The following EPS8L1 variants were observed in gnomAD, a reference collection of about 807,000 sequenced individuals.
EPS8L1 encodes the protein EPS8 signaling adaptor L1.
A neutral mutation model predicts 91.7 loss-of-function variants in EPS8L1; 101 were observed. The observed-to-expected ratio is 1.10, with a 90% CI of 0.94 to 1.30. The LOEUF (loss-of-function observed/expected upper bound fraction) is 1.30. Among genes scored for constraint, EPS8L1 ranks in the 50% most tolerant of loss-of-function variants. The probability of loss-of-function intolerance (pLI) is 0.00; values close to 1 mark genes in which losing one functional copy is unlikely to be tolerated. For synonymous variants in EPS8L1, 506 were observed against 445.3 expected (o/e 1.14, Z -1.72); for missense variants, 1,114 against 1,017.0 (o/e 1.10, Z -1.30).
In EPS8L1 at chr19:55,087,399, G is replaced by T. The variant is rs1189346597; in HGVS notation, c.2049G>T (p.Val683=). The T allele has an allele frequency of 6.2e-7, 1 of 1,614,042 alleles. No homozygotes were observed. Among genetic ancestry groups the T allele is most frequent in the Non-Finnish European group, 8.5e-7 (1 of 1,180,000 alleles). The stretch of plus-strand genomic sequence containing the variant: ...TGAGCCCCGAGGAGGGGGCACGTGT[G>T]TACAGCCAGGTCACCGTGCAGCGCT... ...RAVSPEEGAR[V]YSQVTVQRSL... Residue 683 remains valine, a synonymous_variant, in exon 19 of 20, where the codon GTG becomes GTT. Coordinates refer to ENST00000201647, the MANE Select transcript of EPS8L1 (RefSeq NM_133180.3).
At chr19:55,080,746 G>C (rs1178603866) in intron 6 of EPS8L1, 26 bp from the exon 7 acceptor site, 3 of 1,607,804 alleles carry the variant, frequency 1.9e-6, no homozygotes, top group Non-Finnish European at 2.5e-6. Flanking sequence ...GCGTGGGGAG[G>C]CGTGGCCTGA....
chr19:55,087,500 A>G, intron 19 of EPS8L1, 28 bp from the exon 20 acceptor site: 1 of 1,614,164 alleles, frequency 6.2e-7, no homozygotes, highest in South Asian at 1.1e-5. Context: ...GGACGCCAGG[A>G]CAAAGCGATT....
At chr19:55,079,962 C>A in intron 5 of EPS8L1, 111 bp downstream of exon 5, 1 of 1,451,952 alleles carries the variant, frequency 6.9e-7, no homozygotes. Flanking sequence ...GGCGAGGGAC[C>A]CCAGCCCCCT....
rs1373939119 is a variant in EPS8L1, at chr19:55,076,067, C to T, written c.-38+148C>T. The T allele has an allele frequency of 1.6e-3, 368 of 224,688 alleles. 5 individuals carry two copies. In the East Asian group the frequency reaches 0.017, roughly 11 times the overall value. 13.9% of individuals were successfully genotyped at this position (224,688 alleles called of 1,614,324 possible). On this transcript the variant is annotated intron_variant, in intron 1 of 19. Transcript: ENST00000201647. ...GGTCTGAGGGAGGAGGGCCTGGGGT[C>T]CTGGACTCCTAGGTCTGAGGGAGGA...
At chr19:55,079,371 G>A (rs1043534985) in intron 4 of EPS8L1, among the ~76,000 whole-genome samples, 35 of 152,176 alleles carry the variant, frequency 2.3e-4, no homozygotes, top group Non-Finnish European at 4.4e-5. Context: ...AGAGGCGCCT[G>A]GTGCTCTAAT....
Position 55,085,929 on chromosome 19 carries a change from C to A in EPS8L1, c.1474C>A (p.Arg492Ser), listed in dbSNP as rs565451159. The A allele has an allele frequency of 6.2e-7, 1 of 1,613,660 alleles. No individual in the cohort carries two copies. Among genetic ancestry groups the A allele is most frequent in the South Asian group, 1.1e-5 (1 of 91,066 alleles). Residue 492 changes from arginine (R) to serine (S), a missense_variant, in exon 15 of 20, where the codon CGC becomes AGC. Transcript: ENST00000201647. ...WVLCNYDFQA[R>S]NSSELSVKQR... Reference sequence around the variant, plus strand: ...CCTGTGTAATTATGACTTCCAGGCCCGCAACAGCAGTGAGCTGTCGGTCAA... The same window carrying A: ...CCTGTGTAATTATGACTTCCAGGCCAGCAACAGCAGTGAGCTGTCGGTCAA...
intron 18 of EPS8L1, 77 bp from the exon 19 acceptor site, chr19:55,087,226 C>A: frequency 6.6e-7 from 1 of 1,518,662 alleles, no homozygotes; most frequent in Non-Finnish European, 8.8e-7. Flanking sequence ...GGACCATCGC[C>A]GGGTGGGCGT....
In EPS8L1 at chr19:55,087,817, C is replaced by T. The variant is rs1041379238; in HGVS notation, c.*203C>T. On this transcript the variant is annotated 3_prime_UTR_variant, in exon 20 of 20. Transcript: ENST00000201647. ...CTGGACTGGCTGGGAGTGGGGAGGG[C>T]GTGGAGACAGTCTACGGAAAGCGCT... The T allele has an allele frequency of 3.3e-6, 2 of 612,748 alleles. No individual in the cohort carries two copies. Among genetic ancestry groups the T allele is most frequent in the South Asian group, 1.9e-5 (1 of 52,874 alleles). 38.0% of individuals were successfully genotyped at this position (612,748 alleles called of 1,614,324 possible). A position where few individuals can be genotyped will look rare whatever the true frequency, so the allele number is the denominator to read the frequency against.
intron 14 of EPS8L1, 60 bp from the exon 15 acceptor site, chr19:55,085,781 G>A: frequency 6.4e-7 from 1 of 1,571,396 alleles, no homozygotes; most frequent in Non-Finnish European, 8.6e-7. Context: ...CCAGCACCCT[G>A]CAGCCCAGAG....
rs1459678215 is a variant in EPS8L1, at chr19:55,079,000, G to GC, written c.61dup (p.Gln21ProfsTer12). On this transcript the variant is annotated frameshift_variant and splice_region_variant, in exon 4 of 20. Transcript: ENST00000201647. LOFTEE classifies it high-confidence loss of function. ...CTCATTCTCTTTCTCCCCTGGCAGA[G>GC]CAGAGGAAGCGTTACTCCACAGTTG... is the stretch of plus-strand genomic sequence containing the variant. The GC allele has an allele frequency of 1.9e-6, 3 of 1,613,980 alleles. No individual in the cohort carries two copies.
rs2076357046 is a variant in EPS8L1, at chr19:55,086,774, G to C, written c.1838G>C (p.Arg613Pro). 6.2e-7 allele frequency: 1 copy of C among 1,609,508 alleles called. No homozygotes were observed. Among genetic ancestry groups the C allele is most frequent in the East Asian group, 2.2e-5 (1 of 44,750 alleles). ...CTGCAGGCGCGCCTGGCCCAGGGCC[G>C]CTCGGGACCGAGCCGCGCAGTCCCA... ...EELQARLAQG[R>P]SGPSRAVPGP... The change falls in exon 18 of 20, where the codon CGC becomes CCC. Residue 613 changes from arginine (R) to proline (P), a missense_variant. Arg to Pro is a moderately radical substitution (Grantham distance 103). Coordinates refer to ENST00000201647, the MANE Select transcript of EPS8L1 (RefSeq NM_133180.3).
At position 55,082,522 on chromosome 19, in the gene EPS8L1, C is replaced by A; in HGVS notation, c.1134C>A (p.Ala378=). Residue 378 remains alanine, a synonymous_variant, in exon 12 of 20, where the codon GCC becomes GCA. Transcript: ENST00000201647. ...GGCGGCCGCATCTGACATCGGATGC[C>A]GTGGCGCTGCTGCGGGACAACGTCA... ...SVRRPHLTSD[A]VALLRDNVTP... 3 of 1,611,850 alleles carry A rather than the reference C, an allele frequency of 1.9e-6. No homozygotes were observed. Among genetic ancestry groups the A allele is most frequent in the East Asian group, 2.2e-5 (1 of 44,832 alleles).
At chr19:55,078,037 A>G in intron 2 of EPS8L1, 51 bp from the exon 3 acceptor site, 1 of 1,588,892 alleles carries the variant, frequency 6.3e-7, no homozygotes, top group Non-Finnish European at 8.6e-7. Context: ...GCATTTCCAC[A>G]GGATCTGCCC....
chr19:55,079,919 T>C (rs2076218294), intron 5 of EPS8L1, 68 bp downstream of exon 5: 7 of 1,513,972 alleles, frequency 4.6e-6, no homozygotes, highest in Non-Finnish European at 6.2e-6. Context: ...GGTGTGAATC[T>C]TGGCTCCTGC....
rs928947401 is a variant in EPS8L1, at chr19:55,080,734, C to T, written c.430-38C>T. The T allele has an allele frequency of 1.8e-5, 28 of 1,599,096 alleles. No homozygotes were observed. In the Admixed American group the frequency reaches 2.9e-4, roughly 17 times the overall value. On this transcript the variant is annotated intron_variant, in intron 6 of 19. Coordinates refer to ENST00000201647, the MANE Select transcript of EPS8L1 (RefSeq NM_133180.3). The stretch of plus-strand genomic sequence containing the variant: ...GCGAGGCCCGGGTAGGAAGTGGGTG[C>T]GGCGTGGGGAGGCGTGGCCTGACGG...
chr19:55,076,695 G>A (rs1250401811), intron 2 of EPS8L1, among the ~76,000 whole-genome samples: 1 of 152,214 alleles, frequency 6.6e-6, no homozygotes, highest in Non-Finnish European at 1.5e-5. Context: ...CACACTCAGT[G>A]CTGATGTAAC....
In EPS8L1 at chr19:55,082,119, C is replaced by T. The variant is rs1568788394; in HGVS notation, c.929C>T (p.Pro310Leu). 1.2e-6 allele frequency: 2 copies of T among 1,601,612 alleles called. No homozygotes were observed. The highest frequency in any genetic ancestry group is 1.7e-6 in the Non-Finnish European group (2 of 1,174,802). ...GGCTTGCTGACGCTGCGGGCCAAGC[C>T]GCCCTCGGAGGCCGAGTACACCGAC... is the stretch of plus-strand genomic sequence containing the variant. ...GEGLLTLRAK[P>L]PSEAEYTDVL... The change falls in exon 10 of 20, where the codon CCG (proline) becomes CTG (leucine). Residue 310 changes from proline to leucine, a missense_variant. By Grantham distance (98) the Pro-to-Leu change is moderately conservative. Coordinates refer to ENST00000201647, the MANE Select transcript of EPS8L1 (RefSeq NM_133180.3).
chr19:55,082,026 C>T, intron 9 of EPS8L1, 66 bp from the exon 10 acceptor site: 2 of 1,550,900 alleles, frequency 1.3e-6, no homozygotes, highest in South Asian at 2.4e-5. Flanking sequence ...ACCGGGTGTC[C>T]ACCTCTCTCT....
intron 2 of EPS8L1, 77 bp downstream of exon 2, chr19:55,076,538 G>A: frequency 6.5e-7 from 1 of 1,537,246 alleles, no homozygotes; most frequent in Non-Finnish European, 8.9e-7. Flanking sequence ...ACACCCGCTT[G>A]CGGCAGCCCA....
Sources: allele counts gnomAD v4.1 joint callset (sites outside exome capture counted in the v4.1 genomes callset), GRCh38; gene constraint gnomAD v4.1.1; transcripts MANE v1.5; gene names NCBI Gene and HGNC (gene_info 2026-07-23, HGNC 2026-07-21).